Variants in OAS2 observed in about 807,000 individuals in gnomAD.
OAS2 encodes 2'-5'-oligoadenylate synthetase 2.
Under a neutral mutation model 71.3 loss-of-function variants are expected in OAS2, and 67 were observed. That is an observed-to-expected ratio of 0.94 (90% CI 0.77 to 1.15). The LOEUF (loss-of-function observed/expected upper bound fraction) is 1.15, where lower values mean the gene tolerates loss of function less well. Among genes scored for constraint, OAS2 ranks in the 50% most tolerant of loss-of-function variants. OAS2 has a pLI of 0.00. For synonymous variants in OAS2, 327 were observed against 321.8 expected (o/e 1.02, Z -0.17); for missense variants, 789 against 822.5 (o/e 0.96, Z 0.50).
In OAS2 at chr12:113,002,914, T is replaced by C; in HGVS notation, c.1009-18T>C. ...TTACAGGTGCCACTCACACTTGGGG[T>C]CTTCCTTCCTTCCCCAGCCTGCACC... On this transcript the variant is annotated intron_variant, in intron 5 of 9. Transcript: ENST00000392583. 1 of 1,612,416 alleles carries C rather than the reference T, an allele frequency of 6.2e-7. No individual in the cohort carries two copies. The highest frequency in any genetic ancestry group is 8.5e-7 in the Non-Finnish European group (1 of 1,179,110).
chr12:112,998,118 C>G (rs576469384), intron 4 of OAS2, 148 bp from the exon 5 acceptor site: 1 of 807,618 alleles, frequency 1.2e-6, no homozygotes, highest in African/African-American at 1.8e-5. Flanking sequence ...GGCTTGATGT[C>G]GTAGACAAAA....
At chr12:112,989,924 C>T (rs1268772381) in intron 2 of OAS2, among the ~76,000 whole-genome samples, 2 of 152,192 alleles carry the variant, frequency 1.3e-5, no homozygotes, top group East Asian at 3.8e-4. Flanking sequence ...CCAGTTCTGC[C>T]TAACTTGCTC....
intron 7 of OAS2, 111 bp downstream of exon 7, chr12:113,005,333 C>A: frequency 1.9e-6 from 2 of 1,068,340 alleles, no homozygotes; most frequent in Non-Finnish European, 2.7e-6. Context: ...GGGTCCCTGG[C>A]CCCAGCAAGT....
At chr12:113,000,797 G>A (rs1257232800) in intron 5 of OAS2, among the ~76,000 whole-genome samples, 1 of 152,184 alleles carries the variant, frequency 6.6e-6, no homozygotes, top group Admixed American at 6.5e-5. Context: ...ATTCTGCCCT[G>A]TGGAAGGGGC....
chr12:112,992,679 G>A (rs1435893886), intron 2 of OAS2, among the ~76,000 whole-genome samples: 1 of 152,156 alleles, frequency 6.6e-6, no homozygotes, highest in Admixed American at 6.5e-5. Flanking sequence ...GGCCTGGCTT[G>A]GGGAAACATG....
At chr12:112,991,927 A>G (rs1190480095) in intron 2 of OAS2, among the ~76,000 whole-genome samples, 2 of 152,112 alleles carry the variant, frequency 1.3e-5, no homozygotes, top group African/African-American at 4.8e-5. Context: ...GGTTGGATGG[A>G]TGGATGGAGC....
At chr12:112,980,590 T>C (rs1337329974) in intron 1 of OAS2, among the ~76,000 whole-genome samples, 1 of 152,226 alleles carries the variant, frequency 6.6e-6, no homozygotes, top group Admixed American at 6.5e-5. Context: ...TGTGTCTGAA[T>C]AGTATTCTAT....
At chr12:112,984,436 T>C (rs2044113554) in intron 1 of OAS2, among the ~76,000 whole-genome samples, 1 of 152,218 alleles carries the variant, frequency 6.6e-6, no homozygotes, top group Admixed American at 6.5e-5. Flanking sequence ...TTCCATTCCT[T>C]CACATTCAGT....
rs375032325 is a variant in OAS2, at chr12:113,011,616, C to G, written c.*2361C>G. 6.6e-6 allele frequency: 1 copy of G among 152,360 alleles called. No individual in the cohort carries two copies. The highest frequency in any genetic ancestry group is 1.5e-5 in the Non-Finnish European group (1 of 68,048). 9.4% of individuals were successfully genotyped at this position (152,360 alleles called of 1,614,324 possible). On this transcript the variant is annotated 3_prime_UTR_variant, in exon 10 of 10. Coordinates refer to ENST00000392583, the MANE Select transcript of OAS2 (RefSeq NM_002535.3). The stretch of plus-strand genomic sequence containing the variant: ...GTAGCGCATCTTGATTCCACAGGGA[C>G]AAAGGCTCCTGAGCTCTGGGCCCTT...
intron 1 of OAS2, among the ~76,000 whole-genome samples, chr12:112,985,832 G>A (rs2044129689): frequency 6.6e-6 from 1 of 152,114 alleles, no homozygotes; most frequent in South Asian, 2.1e-4. Flanking sequence ...CCTCTGCTGG[G>A]CATGATGGCT....
chr12:112,987,933 T>C (rs2044155372), intron 2 of OAS2: 1 of 985,394 alleles, frequency 1.0e-6, no homozygotes. Flanking sequence ...CTCTTGCATA[T>C]TGTTAAAGTA....
chr12:113,009,282 G>T lies in OAS2; in HGVS notation c.*27G>T. 6.2e-7 allele frequency: 1 copy of T among 1,608,272 alleles called. No homozygotes were observed. The highest frequency in any genetic ancestry group is 8.5e-7 in the Non-Finnish European group (1 of 1,177,280). Reference sequence around the variant, plus strand: ...GGAGGCGTTGTCTGGAAATAGCCCTGTAACAGGCTTGAATCAAAGAACTTC... The same window carrying T: ...GGAGGCGTTGTCTGGAAATAGCCCTTTAACAGGCTTGAATCAAAGAACTTC... On this transcript the variant is annotated 3_prime_UTR_variant, in exon 10 of 10. Coordinates refer to ENST00000392583, the MANE Select transcript of OAS2 (RefSeq NM_002535.3).
chr12:113,009,278 C>T lies in OAS2; in HGVS notation c.*23C>T. On this transcript the variant is annotated 3_prime_UTR_variant, in exon 10 of 10. Coordinates refer to ENST00000392583, the MANE Select transcript of OAS2 (RefSeq NM_002535.3). ...TAAAGGAGGCGTTGTCTGGAAATAG[C>T]CCTGTAACAGGCTTGAATCAAAGAA... 1 of 1,610,214 alleles carries T rather than the reference C, an allele frequency of 6.2e-7. No homozygotes were observed. The highest frequency in any genetic ancestry group is 8.5e-7 in the Non-Finnish European group (1 of 1,178,068).
At chr12:112,995,709 C>G (rs1489398290) in intron 3 of OAS2, among the ~76,000 whole-genome samples, 2 of 152,130 alleles carry the variant, frequency 1.3e-5, no homozygotes, top group Non-Finnish European at 2.9e-5. Context: ...CTATTACCAC[C>G]GCAGATTAGT....
chr12:112,987,360 C>G lies in OAS2; in HGVS notation c.448+52C>G, dbSNP rs199618139. 14 of 1,605,846 alleles carry G rather than the reference C, an allele frequency of 8.7e-6. No individual in the cohort carries two copies. In the African/African-American group the frequency reaches 1.3e-4, roughly 15 times the overall value. On this transcript the variant is annotated intron_variant, in intron 2 of 9. Coordinates refer to ENST00000392583, the MANE Select transcript of OAS2 (RefSeq NM_002535.3). ...AAAAGCCAAAGAAGCGGGTGCCAGA[C>G]AGCTCTGTGCAACCTCTAGGCCATG...
chr12:112,979,425 T>C (rs1233792734), intron 1 of OAS2, among the ~76,000 whole-genome samples: 1 of 152,186 alleles, frequency 6.6e-6, no homozygotes, highest in Non-Finnish European at 1.5e-5. Context: ...CCACACTTTT[T>C]GGTCTCTACC....
At chr12:113,001,502 CTATACACATATATA>C (rs1262693764) in intron 5 of OAS2, among the ~76,000 whole-genome samples, 16 of 144,948 alleles carry the variant, frequency 1.1e-4, no homozygotes, top group Middle Eastern at 3.5e-3. Context: ...ATATACACAT[CTATACACATATATA>C]TATACACATA....
chr12:112,987,808 GCAACGACC>G, intron 2 of OAS2: 1 of 989,542 alleles, frequency 1.0e-6, no homozygotes. Flanking sequence ...CAAAATCAAG[GCAACGACC>G]TTCCATAGAT....
intron 6 of OAS2, among the ~76,000 whole-genome samples, chr12:113,004,009 A>G (rs759214256): frequency 9.9e-5 from 15 of 152,220 alleles, no homozygotes; most frequent in Non-Finnish European, 1.9e-4. Flanking sequence ...CCCCATTCAC[A>G]TGATAGTCAG....
Sources: gnomAD v4.1 joint callset for allele counts (sites outside exome capture counted in the v4.1 genomes callset) on GRCh38, gnomAD v4.1.1 for gene constraint, MANE v1.5 for transcripts, NCBI Gene and HGNC (gene_info 2026-07-23, HGNC 2026-07-21) for gene names.